Variants in RMDN3 observed in about 807,000 individuals in gnomAD.
RMDN3 encodes regulator of microtubule dynamics 3, also known as regulator of microtubule dynamics protein 3.
RMDN3 carries 41 observed loss-of-function variants against 61.8 expected under a neutral mutation model. The observed-to-expected ratio is 0.66, with a 90% CI of 0.52 to 0.86. RMDN3 has a LOEUF of 0.86. Among genes scored for constraint, RMDN3 ranks in the 40% least tolerant of loss-of-function variants. The pLI is 0.00. For synonymous variants in RMDN3, 247 were observed against 232.0 expected (o/e 1.06, Z -0.59); for missense variants, 557 against 585.3 (o/e 0.95, Z 0.50).
intron 6 of RMDN3, among the ~76,000 whole-genome samples, chr15:40,742,782 T>C (rs1026842501): frequency 1.3e-5 from 2 of 152,154 alleles, no homozygotes; most frequent in Non-Finnish European, 2.9e-5. Context: ...CTACTAGCAC[T>C]AATAAGAGAT....
At chr15:40,736,738 C>T in intron 12 of RMDN3, 144 bp from the exon 13 acceptor site, 4 of 681,106 alleles carry the variant, frequency 5.9e-6, no homozygotes. Flanking sequence ...AGCCTGGAGC[C>T]TATTAAATCT....
At chr15:40,737,368 G>C in intron 10 of RMDN3, 27 bp from the exon 11 acceptor site, 2 of 1,602,954 alleles carry the variant, frequency 1.2e-6, no homozygotes, top group Middle Eastern at 1.7e-4. Flanking sequence ...AGATATTTCA[G>C]TAAGAGGTTC....
At chr15:40,752,264 T>C in intron 2 of RMDN3, 86 bp from the exon 3 acceptor site, 1 of 1,371,152 alleles carries the variant, frequency 7.3e-7, no homozygotes, top group Non-Finnish European at 1.0e-6. Context: ...GAATACCTGC[T>C]TTCCATTGGA....
intron 4 of RMDN3, among the ~76,000 whole-genome samples, chr15:40,750,995 TC>T (rs1241654816): frequency 6.6e-6 from 1 of 152,196 alleles, no homozygotes; most frequent in Non-Finnish European, 1.5e-5. Flanking sequence ...ACTCAGGACA[TC>T]CACCTCCCAC....
At chr15:40,740,090 G>C in intron 7 of RMDN3, 43 bp downstream of exon 7, 1 of 1,313,402 alleles carries the variant, frequency 7.6e-7, no homozygotes, top group Non-Finnish European at 1.1e-6. Context: ...CCTCTGCTTT[G>C]GCCCTTGCTG....
chr15:40,747,216 A>C (rs1336045991), intron 4 of RMDN3, among the ~76,000 whole-genome samples: 3 of 152,200 alleles, frequency 2.0e-5, no homozygotes, highest in Non-Finnish European at 4.4e-5. Flanking sequence ...CAGCACTCCC[A>C]GGGAGGGACC....
At chr15:40,742,171 GT>G (rs896797307) in intron 6 of RMDN3, among the ~76,000 whole-genome samples, 425 of 134,938 alleles carry the variant, frequency 3.1e-3, no homozygotes, top group Middle Eastern at 7.9e-3. Context: ...AATTTTTTAA[GT>G]TTTTTTTTTT....
At chr15:40,738,657 T>C (rs1466228142) in intron 7 of RMDN3, 81 bp from the exon 8 acceptor site, 8 of 1,366,878 alleles carry the variant, frequency 5.9e-6, no homozygotes, top group Non-Finnish European at 8.3e-6. Context: ...ACAGCCTAGT[T>C]GCATTGTCCC....
intron 4 of RMDN3, 74 bp from the exon 5 acceptor site, chr15:40,745,333 C>T: frequency 1.4e-6 from 2 of 1,434,026 alleles, no homozygotes; most frequent in Non-Finnish European, 1.9e-6. Flanking sequence ...ATCCCTCACC[C>T]CCAAAGAAGC....
At chr15:40,736,672 G>T in intron 12 of RMDN3, 78 bp from the exon 13 acceptor site, 1 of 1,282,880 alleles carries the variant, frequency 7.8e-7, no homozygotes, top group Non-Finnish European at 1.1e-6. Flanking sequence ...TAAGAAGAGG[G>T]GCCCTTTGCT....
At chr15:40,749,583 C>A (rs1477972117) in intron 4 of RMDN3, among the ~76,000 whole-genome samples, 1 of 152,204 alleles carries the variant, frequency 6.6e-6, no homozygotes, top group African/African-American at 2.4e-5. Flanking sequence ...TTGGGCAGAG[C>A]TGTGACCTCT....
Position 40,755,082 on chromosome 15 carries a change from C to T in RMDN3, c.-8+1G>A. 1 of 344,640 alleles carries T rather than the reference C, an allele frequency of 2.9e-6. No homozygotes were observed. The highest frequency in any genetic ancestry group is 5.4e-6 in the Non-Finnish European group (1 of 184,278). 21.3% of individuals were successfully genotyped at this position (344,640 alleles called of 1,614,324 possible). ...CCGGCTTCTGGGCCTTCAACCCCCA[C>T]CTCAGCCTCACGACACTGCAGACCA... On this transcript the variant is annotated splice_donor_variant, in intron 1 of 12. Transcript: ENST00000338376. LOFTEE classifies it low-confidence loss of function (5UTR_SPLICE).
intron 6 of RMDN3, among the ~76,000 whole-genome samples, chr15:40,743,450 C>G (rs571691737): frequency 1.3e-5 from 2 of 151,852 alleles, no homozygotes; most frequent in African/African-American, 4.8e-5. Flanking sequence ...TTAACTGAAC[C>G]ACAGACCTAG....
intron 6 of RMDN3, among the ~76,000 whole-genome samples, chr15:40,741,082 AAAACAAC>A (rs909275877): frequency 6.7e-6 from 1 of 150,174 alleles, no homozygotes; most frequent in African/African-American, 2.5e-5. Context: ...CACCTCAAAA[AAAACAAC>A]AACAACGGAT....
chr15:40,738,457 CTG>C (rs1897152360), intron 8 of RMDN3, 42 bp downstream of exon 8: 4 of 1,599,500 alleles, frequency 2.5e-6, no homozygotes, highest in Admixed American at 1.7e-5. Context: ...AGTGGGGAAT[CTG>C]GGATAGGCCA....
intron 4 of RMDN3, among the ~76,000 whole-genome samples, chr15:40,750,035 G>A (rs957081827): frequency 2.6e-5 from 4 of 152,052 alleles, no homozygotes; most frequent in African/African-American, 9.7e-5. Context: ...CGATTATAAT[G>A]GAGCTGAAAA....
intron 7 of RMDN3, chr15:40,739,281 T>G (rs1400873697): frequency 6.6e-6 from 1 of 152,170 alleles, no homozygotes; most frequent in Admixed American, 6.6e-5. Context: ...AGTTGCTTTT[T>G]CATGTATATG....
chr15:40,738,400 C>T, intron 8 of RMDN3, 101 bp downstream of exon 8: 2 of 1,056,462 alleles, frequency 1.9e-6, no homozygotes, highest in South Asian at 1.4e-5. Flanking sequence ...AGAAGAAAGG[C>T]AAGTCACTGA....
chr15:40,750,966 C>T (rs970984855), intron 4 of RMDN3, among the ~76,000 whole-genome samples: 1 of 152,216 alleles, frequency 6.6e-6, no homozygotes, highest in Admixed American at 6.5e-5. Flanking sequence ...CTATCGTCAG[C>T]CCTCCTGGGC....
Sources: allele counts gnomAD v4.1 joint callset (sites outside exome capture counted in the v4.1 genomes callset), GRCh38; gene constraint gnomAD v4.1.1; transcripts MANE v1.5; gene names NCBI Gene and HGNC (gene_info 2026-07-23, HGNC 2026-07-21).